Variants in SPAG17 observed in about 807,000 individuals in gnomAD.
SPAG17 encodes sperm-associated antigen 17.
SPAG17 carries 169 observed loss-of-function variants against 273.6 expected under a neutral mutation model. That is an observed-to-expected ratio of 0.62 (90% confidence interval 0.55 to 0.70). The LOEUF (loss-of-function observed/expected upper bound fraction) is 0.70, where lower values mean the gene tolerates loss of function less well. SPAG17 is among the 30% of genes least tolerant of loss of function. The pLI is 0.00. For missense variants in SPAG17, 2,557 were observed against 2,627.8 expected, an observed-to-expected ratio of 0.97 and a Z score of 0.59; for synonymous variants, 825 against 873.2, an observed-to-expected ratio of 0.94 and a Z score of 0.97.
chr1:117,972,127 AGG>A, intron 44 of SPAG17, 80 bp from the exon 45 acceptor site: 1 of 1,257,890 alleles, frequency 7.9e-7, no homozygotes, highest in Non-Finnish European at 1.1e-6. Flanking sequence ...CTGTCACCAG[AGG>A]AAAATAACTG....
At chr1:118,050,190 G>A (rs1335737778) in intron 20 of SPAG17, among the ~76,000 whole-genome samples, 1 of 152,150 alleles carries the variant, frequency 6.6e-6, no homozygotes, top group African/African-American at 2.4e-5. Flanking sequence ...GAAGAATCAT[G>A]GGAGAAGTGA....
At chr1:118,031,583 C>T (rs1648474435) in intron 25 of SPAG17, 109 bp downstream of exon 25, 1 of 1,161,944 alleles carries the variant, frequency 8.6e-7, no homozygotes, top group Non-Finnish European at 1.2e-6. Flanking sequence ...TGTATCTGCA[C>T]AATAAAACGT....
intron 25 of SPAG17, among the ~76,000 whole-genome samples, chr1:118,030,678 G>A (rs561574962): frequency 4.6e-4 from 70 of 152,210 alleles, no homozygotes; most frequent in African/African-American, 1.7e-3. Context: ...ATTTATGAAT[G>A]AGAACATGTG....
chr1:118,126,630 A>T (rs2102286294), intron 3 of SPAG17, among the ~76,000 whole-genome samples: 1 of 152,194 alleles, frequency 6.6e-6, no homozygotes, highest in South Asian at 2.1e-4. Context: ...CCCATTCTAT[A>T]GGTTGTCTCT....
At chr1:117,989,765 A>G (rs1557873545) in intron 38 of SPAG17, among the ~76,000 whole-genome samples, 1 of 151,854 alleles carries the variant, frequency 6.6e-6, no homozygotes, top group Non-Finnish European at 1.5e-5. Context: ...TTTTCCATAG[A>G]GATGGGGTTT....
chr1:117,981,141 T>A, intron 43 of SPAG17, 129 bp downstream of exon 43: 1 of 949,804 alleles, frequency 1.1e-6, no homozygotes, highest in Non-Finnish European at 1.5e-6. Flanking sequence ...GCTGCATAGC[T>A]CCAGGATCCG....
At chr1:117,995,735 C>CACACAT (rs113958878) in intron 34 of SPAG17, among the ~76,000 whole-genome samples, 1,969 of 149,610 alleles carry the variant, frequency 0.013, 40 homozygotes, top group East Asian at 0.044. Flanking sequence ...CACACACACA[C>CACACAT]AAACCTAGGC....
chr1:118,086,052 TG>T lies in SPAG17; in HGVS notation c.1631del (p.Pro544GlnfsTer32). 6.2e-7 allele frequency: 1 copy of T among 1,613,502 alleles called. No individual in the cohort carries two copies. The highest frequency in any genetic ancestry group is 8.5e-7 in the Non-Finnish European group (1 of 1,179,862). Reference sequence around the variant, plus strand: ...ACTGCATCTCCTGCTCAATTTGAACTGGATCAAAATTCTTTTGGTCCTGATG... The same window carrying T: ...ACTGCATCTCCTGCTCAATTTGAACTGATCAAAATTCTTTTGGTCCTGATG... The part of the protein sequence containing the change: ...YALQDQKNFD[P>X]VQIEQEMQSK... On this transcript the variant is annotated frameshift_variant, in exon 13 of 49. Transcript: ENST00000336338. LOFTEE classifies it high-confidence loss of function.
chr1:118,150,652 TATG>T (rs764079343), intron 2 of SPAG17, 23 bp from the exon 3 acceptor site: 13 of 1,331,130 alleles, frequency 9.8e-6, no homozygotes, highest in Non-Finnish European at 1.3e-5. Context: ...TAAATTTACT[TATG>T]ATGAAAAAAG....
chr1:117,980,155 G>GA lies in SPAG17; in HGVS notation c.6004+1114dup, dbSNP rs200115093. 7.0e-3 allele frequency among the ~76,000 whole-genome samples: 1,059 copies of GA among 152,300 alleles called. 5 individuals are homozygous for GA. Among genetic ancestry groups the GA allele is most frequent in the Non-Finnish European group, 0.011 (716 of 68,030 alleles). ...GGCATTGAGTAATTATCCACTGAAT[G>GA]AATAAAACTTGTAGGAGAGAAGTTT... On this transcript the variant is annotated intron_variant, in intron 43 of 48. Coordinates refer to ENST00000336338, the MANE Select transcript of SPAG17 (RefSeq NM_206996.4).
intron 1 of SPAG17, among the ~76,000 whole-genome samples, chr1:118,154,261 T>C (rs1177124466): frequency 6.6e-6 from 1 of 152,182 alleles, no homozygotes; most frequent in South Asian, 2.1e-4. Context: ...AAATTGCATC[T>C]ATGTGGCAAA....
chr1:117,992,436 T>C (rs1571172851), intron 36 of SPAG17, 30 bp downstream of exon 36: 1 of 1,547,356 alleles, frequency 6.5e-7, no homozygotes, highest in East Asian at 2.3e-5. Context: ...TTTCTGATTC[T>C]TTTGGGTCAG....
chr1:118,098,906 T>A (rs1348386066), intron 6 of SPAG17, among the ~76,000 whole-genome samples: 1 of 152,174 alleles, frequency 6.6e-6, no homozygotes, highest in Non-Finnish European at 1.5e-5. Context: ...TACAAAACAC[T>A]GTGCAAATGA....
intron 44 of SPAG17, among the ~76,000 whole-genome samples, chr1:117,972,714 TTATA>T: frequency 6.6e-6 from 1 of 152,026 alleles, no homozygotes; most frequent in South Asian, 2.1e-4. Context: ...ATATTGTCAG[TTATA>T]TATATATGTA....
chr1:118,065,105 C>T (rs1474858148), intron 18 of SPAG17, among the ~76,000 whole-genome samples: 1 of 151,980 alleles, frequency 6.6e-6, no homozygotes, highest in Non-Finnish European at 1.5e-5. Flanking sequence ...ATAGAGAAAT[C>T]ACAGATTAAA....
At chr1:117,980,010 G>A (rs1198195064) in intron 43 of SPAG17, among the ~76,000 whole-genome samples, 2 of 152,032 alleles carry the variant, frequency 1.3e-5, no homozygotes, top group Non-Finnish European at 2.9e-5. Flanking sequence ...TATTGTCTAG[G>A]TTTGCCCATA....
chr1:118,092,625 C>T (rs1655450154), intron 8 of SPAG17, among the ~76,000 whole-genome samples: 1 of 152,206 alleles, frequency 6.6e-6, no homozygotes, highest in African/African-American at 2.4e-5. Context: ...TCTTTCCCCA[C>T]ATCGCTAATC....
intron 1 of SPAG17, among the ~76,000 whole-genome samples, chr1:118,177,131 T>C (rs1660730953): frequency 6.6e-6 from 1 of 152,210 alleles, no homozygotes; most frequent in East Asian, 1.9e-4. Flanking sequence ...ATAATTATAC[T>C]AGTCAATTCT....
intron 3 of SPAG17, among the ~76,000 whole-genome samples, chr1:118,144,665 G>A (rs1390001522): frequency 6.6e-6 from 1 of 152,170 alleles, no homozygotes; most frequent in Non-Finnish European, 1.5e-5. Context: ...GGAGTGCCGA[G>A]GCCCTGGTGT....
Sources: allele counts gnomAD v4.1 joint callset (sites outside exome capture counted in the v4.1 genomes callset), GRCh38; gene constraint gnomAD v4.1.1; transcripts MANE v1.5; gene names NCBI Gene and HGNC (gene_info 2026-07-23, HGNC 2026-07-21).